Variants in ABLIM1 observed in about 807,000 individuals in gnomAD.
The protein encoded by ABLIM1 is actin-binding LIM protein 1.
ABLIM1 carries 40 observed loss-of-function variants against 107.0 expected under a neutral mutation model. That is an observed-to-expected ratio of 0.37 (90% CI 0.29 to 0.49). The LOEUF (loss-of-function observed/expected upper bound fraction) is 0.49. Among genes scored for constraint, ABLIM1 ranks in the 20% least tolerant of loss-of-function variants. The pLI is 0.97. For missense variants in ABLIM1, 857 were observed against 1,008.5 expected, an observed-to-expected ratio of 0.85 and a Z score of 2.04; for synonymous variants, 357 against 357.3, an observed-to-expected ratio of 1.00 and a Z score of 0.01.
intron 1 of ABLIM1, among the ~76,000 whole-genome samples, chr10:114,741,627 G>GA (rs2082290995): frequency 6.6e-6 from 1 of 152,054 alleles, no homozygotes; most frequent in Non-Finnish European, 1.5e-5. Flanking sequence ...CCATATGTTA[G>GA]AAAAAATGGT....
chr10:114,636,192 C>G (rs1027940194), intron 1 of ABLIM1, among the ~76,000 whole-genome samples: 3 of 152,002 alleles, frequency 2.0e-5, no homozygotes, highest in African/African-American at 7.3e-5. Context: ...AATGACGGGT[C>G]AAGTGCAGAA....
At chr10:114,710,999 G>A (rs573526282) in intron 1 of ABLIM1, among the ~76,000 whole-genome samples, 113 of 152,220 alleles carry the variant, frequency 7.4e-4, no homozygotes, top group East Asian at 2.9e-3. Flanking sequence ...AGCTCATGCC[G>A]GTTTATATGT....
the ABLIM1 span, chr10:114,777,878 C>T: frequency 6.6e-6 from 1 of 152,248 alleles, no homozygotes; most frequent in African/African-American, 2.4e-5. Flanking sequence ...ATTGTTTCCA[C>T]AGCTCTCTCA....
rs373820594 is a variant in ABLIM1 at position 114,546,349 on chromosome 10, A to G, written c.801-1251T>C. On this transcript the variant is annotated intron_variant, in intron 5 of 22. Transcript: ENST00000533213. ...TTGCTCTGTCTCCAGGCTGGAGTAC[A>G]GTGGTGCGATCTGGGCTCACTGCAA... Among the ~76,000 whole-genome samples the G allele has an allele frequency of 2.7e-5, 4 of 147,896 alleles. No individual in the cohort carries two copies. The East Asian group carries it at 8.0e-4, about 30-fold the overall frequency.
intron 21 of ABLIM1, among the ~76,000 whole-genome samples, chr10:114,438,538 G>C (rs1228873771): frequency 4.6e-5 from 7 of 152,208 alleles, no homozygotes; most frequent in African/African-American, 1.7e-4. Flanking sequence ...TTGGATTACA[G>C]GCGTAAGCCA....
chr10:114,658,941 CT>C (rs2079656654), upstream of ABLIM1, among the ~76,000 whole-genome samples: 1 of 152,094 alleles, frequency 6.6e-6, no homozygotes, highest in Non-Finnish European at 1.5e-5. Context: ...CTAGAAGGAC[CT>C]TCATGGAATT....
At position 114,434,468 on chromosome 10, in the gene ABLIM1, A is replaced by G. The variant is rs897131701; in HGVS notation, c.*1792T>C. 2 of 152,208 alleles carry G rather than the reference A, an allele frequency of 1.3e-5. No individual in the cohort carries two copies. The highest frequency in any genetic ancestry group is 2.9e-5 in the Non-Finnish European group (2 of 68,042). 9.4% of individuals were successfully genotyped at this position (152,208 alleles called of 1,614,324 possible). The stretch of plus-strand genomic sequence containing the variant: ...ATGACAGCGGTGAGCCACGTGTCAG[A>G]GGCTGCAACACAGACTCAGAAACTA... On this transcript the variant is annotated 3_prime_UTR_variant, in exon 23 of 23. Transcript: ENST00000533213.
At chr10:114,634,342 C>T (rs2078368187) in intron 1 of ABLIM1, among the ~76,000 whole-genome samples, 1 of 150,768 alleles carries the variant, frequency 6.6e-6, no homozygotes, top group East Asian at 2.0e-4. Flanking sequence ...CCTTGTTAGC[C>T]AGGATGGTCT....
chr10:114,673,271 C>CAAAAAAAAAAAAAAAAAAA (rs1182119576), intron 1 of ABLIM1, among the ~76,000 whole-genome samples: 1 of 127,936 alleles, frequency 7.8e-6, no homozygotes. Flanking sequence ...AAAAAAAAAA[C>CAAAAAAAAAAAAAAAAAAA]AAAAAAAAAA....
rs1347210778 is a variant in ABLIM1, at chr10:114,432,533, T to C, written c.*3727A>G. 6.6e-6 allele frequency: 1 copy of C among 152,260 alleles called. No individual in the cohort carries two copies. The highest frequency in any genetic ancestry group is 2.4e-5 in the African/African-American group (1 of 41,468). 9.4% of individuals were successfully genotyped at this position (152,260 alleles called of 1,614,324 possible). The stretch of plus-strand genomic sequence containing the variant: ...AACTTGCAAAAGCATATACATTTGA[T>C]ATCATCATCTGAGAAGCAATTCTTA... On this transcript the variant is annotated 3_prime_UTR_variant, in exon 23 of 23. Coordinates refer to ENST00000533213, the MANE Select transcript of ABLIM1 (RefSeq NM_002313.7).
At chr10:114,440,638 T>C (rs1166780174) in intron 19 of ABLIM1, among the ~76,000 whole-genome samples, 2 of 152,058 alleles carry the variant, frequency 1.3e-5, no homozygotes, top group Non-Finnish European at 2.9e-5. Context: ...GTTTTTGTTG[T>C]TGTTGGTAGA....
upstream of ABLIM1, among the ~76,000 whole-genome samples, chr10:114,769,449 AAGAAAGAAAG>A (rs2082990295): frequency 2.0e-5 from 1 of 49,994 alleles, no homozygotes; most frequent in Admixed American, 1.5e-4. Context: ...GAAAGAAAGA[AAGAAAGAAAG>A]AAAGAAAGAA....
At chr10:114,484,283 G>A (rs73353710) in intron 8 of ABLIM1, among the ~76,000 whole-genome samples, 3,799 of 152,170 alleles carry the variant, frequency 0.025, 158 homozygotes, top group African/African-American at 0.087. Context: ...TAGCTACCTC[G>A]CAGGAATTCT....
chr10:114,779,292 G>T, the ABLIM1 span: 4 of 152,176 alleles, frequency 2.6e-5, no homozygotes, highest in African/African-American at 9.7e-5. Context: ...AATTTACAAA[G>T]GAGGAAACTG....
chr10:114,733,836 C>A (rs542858915), intron 1 of ABLIM1, among the ~76,000 whole-genome samples: 1 of 151,942 alleles, frequency 6.6e-6, no homozygotes, highest in African/African-American at 2.4e-5. Flanking sequence ...GATTTGAGAA[C>A]CTTGCAACTT....
rs201106356 is a variant in ABLIM1, at chr10:114,473,007, A to T, written c.1245T>A (p.Asp415Glu). The T allele has an allele frequency of 5.0e-6, 8 of 1,606,722 alleles. No individual in the cohort carries two copies. Among genetic ancestry groups the T allele is most frequent in the South Asian group, 1.1e-5 (1 of 89,652 alleles). Residue 415 changes from aspartate to glutamate, a missense_variant, in exon 10 of 23, where the codon GAT becomes GAA. Coordinates refer to ENST00000533213, the MANE Select transcript of ABLIM1 (RefSeq NM_002313.7). Reference protein sequence around the residue: ...TYEPFYTSGYDDKQERQSLGE... With the variant: ...TYEPFYTSGYEDKQERQSLGE... ...CAAGGCTCTGTCTCTCCTGTTTGTC[A>T]TCATAGCCCGAAGTGTAGAAAGGCT...
intron 12 of ABLIM1, 25 bp from the exon 13 acceptor site, chr10:114,453,508 C>A (rs1432185215): frequency 4.0e-6 from 6 of 1,494,712 alleles, no homozygotes; most frequent in Non-Finnish European, 5.4e-6. Flanking sequence ...ATGGAAAAAA[C>A]AAAATGAGAG....
chr10:114,510,571 T>C (rs1023735096), intron 6 of ABLIM1, among the ~76,000 whole-genome samples: 31 of 152,038 alleles, frequency 2.0e-4, no homozygotes, highest in African/African-American at 4.8e-5. Context: ...TTGTATAAAA[T>C]AGTCTATTTC....
intron 22 of ABLIM1, 151 bp downstream of exon 22, chr10:114,437,693 C>T: frequency 1.5e-6 from 1 of 646,342 alleles, no homozygotes; most frequent in Non-Finnish European, 2.7e-6. Context: ...TTTTTTTCTC[C>T]AAAGTTATTT....
Sources: gnomAD v4.1 joint callset for allele counts (sites outside exome capture counted in the v4.1 genomes callset) on GRCh38, gnomAD v4.1.1 for gene constraint, MANE v1.5 for transcripts, NCBI Gene and HGNC (gene_info 2026-07-23, HGNC 2026-07-21) for gene names.